CCDC178: variants seen among roughly 807,000 people sequenced by gnomAD.
CCDC178 encodes the protein coiled-coil domain-containing protein 178.
A neutral mutation model predicts 117.4 loss-of-function variants in CCDC178; 126 were observed. The observed-to-expected ratio is 1.07, with a 90% CI of 0.93 to 1.24. The LOEUF (loss-of-function observed/expected upper bound fraction) is 1.24. Among genes scored for constraint, CCDC178 ranks in the 50% most tolerant of loss-of-function variants. The pLI, the probability that CCDC178 is intolerant of heterozygous loss-of-function variation, is 0.00. For missense variants in CCDC178, 1,030 were observed against 986.9 expected, an observed-to-expected ratio of 1.04 and a Z score of -0.59; for synonymous variants, 283 against 313.4, an observed-to-expected ratio of 0.90 and a Z score of 1.02.
chr18:33,353,707 G>T, intron 7 of CCDC178, among the ~76,000 whole-genome samples: 1 of 151,472 alleles, frequency 6.6e-6, no homozygotes, highest in Non-Finnish European at 1.5e-5. Flanking sequence ...TTCTCTTATG[G>T]TGTCAATTTC....
intron 21 of CCDC178, among the ~76,000 whole-genome samples, chr18:33,023,208 TCAA>T (rs1204328313): frequency 1.3e-5 from 2 of 152,064 alleles, no homozygotes; most frequent in Non-Finnish European, 2.9e-5. Context: ...AGAGAAGAAC[TCAA>T]CAACATCATC....
intron 15 of CCDC178, among the ~76,000 whole-genome samples, chr18:33,231,529 C>T (rs1043787536): frequency 2.6e-5 from 4 of 152,156 alleles, no homozygotes; most frequent in African/African-American, 9.7e-5. Context: ...GTTTTTAACT[C>T]TGATCTGTGA....
At chr18:33,320,847 A>C (rs1165702650) in intron 11 of CCDC178, among the ~76,000 whole-genome samples, 1 of 152,204 alleles carries the variant, frequency 6.6e-6, no homozygotes, top group African/African-American at 2.4e-5. Context: ...CTATACTACA[A>C]GGCTATAGTA....
intron 20 of CCDC178, among the ~76,000 whole-genome samples, chr18:33,156,605 T>C (rs940319073): frequency 2.0e-5 from 3 of 146,720 alleles, no homozygotes; most frequent in African/African-American, 7.7e-5. Flanking sequence ...ATTTTCTCCA[T>C]TTCTCCTATC....
At chr18:33,383,676 C>CA (rs749706381) in intron 5 of CCDC178, among the ~76,000 whole-genome samples, 3 of 151,962 alleles carry the variant, frequency 2.0e-5, no homozygotes, top group Admixed American at 6.6e-5. Context: ...ACAACATCAA[C>CA]AAAAAAGACC....
At chr18:33,003,885 G>A (rs1404247053) in intron 21 of CCDC178, among the ~76,000 whole-genome samples, 5 of 152,026 alleles carry the variant, frequency 3.3e-5, no homozygotes, top group Non-Finnish European at 5.9e-5. Context: ...CATGTTAATA[G>A]TGAACAATCT....
intron 21 of CCDC178, among the ~76,000 whole-genome samples, chr18:33,040,273 A>G (rs1221965241): frequency 2.6e-5 from 4 of 151,982 alleles, no homozygotes; most frequent in African/African-American, 9.7e-5. Flanking sequence ...ACATATGCAT[A>G]TATATAAAAC....
intron 21 of CCDC178, among the ~76,000 whole-genome samples, chr18:33,092,513 A>G (rs271472): frequency 0.14 from 21,644 of 152,056 alleles, 2,388 homozygotes; most frequent in African/African-American, 0.31. Flanking sequence ...GGCATTTCTC[A>G]TCATATTAAT....
chr18:33,339,172 A>T (rs1391191457), intron 9 of CCDC178, among the ~76,000 whole-genome samples: 1 of 152,152 alleles, frequency 6.6e-6, no homozygotes, highest in African/African-American at 2.4e-5. Flanking sequence ...AAATAATCAA[A>T]GCATCTAATT....
intron 21 of CCDC178, among the ~76,000 whole-genome samples, chr18:33,068,155 A>T (rs937375389): frequency 2.6e-5 from 4 of 152,190 alleles, no homozygotes; most frequent in African/African-American, 9.6e-5. Context: ...ATAATGAGTA[A>T]CAAGGTTGAA....
At chr18:33,318,038 G>A (rs1244112911) in intron 11 of CCDC178, among the ~76,000 whole-genome samples, 3 of 152,094 alleles carry the variant, frequency 2.0e-5, no homozygotes, top group Non-Finnish European at 4.4e-5. Flanking sequence ...CAGCACTCTG[G>A]TTCTGGGAAG....
rs118094540 is a variant in CCDC178 at position 33,117,295 on chromosome 18, A to G, written c.2239-24385T>C. 3.3e-3 allele frequency among the ~76,000 whole-genome samples: 499 copies of G among 152,230 alleles called. 3 individuals are homozygous for G. Among genetic ancestry groups the G allele is most frequent in the Non-Finnish European group, 5.1e-3 (350 of 67,996 alleles). On this transcript the variant is annotated intron_variant, in intron 20 of 22. Coordinates refer to ENST00000383096, the MANE Select transcript of CCDC178 (RefSeq NM_001105528.4). ...TCTCAACCACGCCTGGCATTGTCCA[A>G]TGAGCTTCTGAACAAAATGGCCATG... is the stretch of plus-strand genomic sequence containing the variant.
intron 20 of CCDC178, among the ~76,000 whole-genome samples, chr18:33,137,881 T>G (rs2058148383): frequency 6.6e-6 from 1 of 152,188 alleles, no homozygotes; most frequent in African/African-American, 2.4e-5. Flanking sequence ...CTCCAAGGCT[T>G]TTTTCCTATG....
At chr18:33,282,418 G>A (rs913810708) in intron 12 of CCDC178, among the ~76,000 whole-genome samples, 1 of 152,114 alleles carries the variant, frequency 6.6e-6, no homozygotes, top group Non-Finnish European at 1.5e-5. Flanking sequence ...TGTCGGTCCT[G>A]ATCTCTGCAA....
chr18:32,989,449 T>C (rs1409809658), intron 21 of CCDC178, among the ~76,000 whole-genome samples: 1 of 152,178 alleles, frequency 6.6e-6, no homozygotes, highest in African/African-American at 2.4e-5. Context: ...CTTGTTTCTG[T>C]ATACACAGGT....
intron 3 of CCDC178, among the ~76,000 whole-genome samples, chr18:33,403,857 T>C (rs1302892621): frequency 6.6e-6 from 1 of 152,172 alleles, no homozygotes; most frequent in East Asian, 1.9e-4. Context: ...GCCAGGTATA[T>C]TTTTACTTTT....
At chr18:33,001,994 T>C (rs902584704) in intron 21 of CCDC178, among the ~76,000 whole-genome samples, 1 of 152,140 alleles carries the variant, frequency 6.6e-6, no homozygotes, top group African/African-American at 2.4e-5. Context: ...TGTAAATATA[T>C]ATGCACCAAG....
intron 20 of CCDC178, among the ~76,000 whole-genome samples, chr18:33,147,071 A>G (rs72945332): frequency 0.038 from 5,759 of 152,088 alleles, 139 homozygotes; most frequent in East Asian, 0.11. Context: ...GAAACTCCCA[A>G]AGCCATAAAG....
intron 21 of CCDC178, among the ~76,000 whole-genome samples, chr18:33,060,954 G>A (rs143558871): frequency 1.1e-3 from 174 of 152,034 alleles, no homozygotes; most frequent in Non-Finnish European, 2.0e-3. Flanking sequence ...CCACATTTCC[G>A]CACACTCCTT....
Sources: allele counts gnomAD v4.1 joint callset (sites outside exome capture counted in the v4.1 genomes callset), GRCh38; gene constraint gnomAD v4.1.1; transcripts MANE v1.5; gene names NCBI Gene and HGNC (gene_info 2026-07-23, HGNC 2026-07-21).